The following COL22A1 variants were observed in gnomAD, a reference collection of about 807,000 sequenced individuals.
The protein encoded by COL22A1 is collagen type XXII alpha 1 chain.
In COL22A1, 221 loss-of-function variants were observed where a neutral mutation model predicts 248.9. That is an observed-to-expected ratio of 0.89 (90% CI 0.80 to 0.99). The LOEUF (loss-of-function observed/expected upper bound fraction) is 0.99. Among genes scored for constraint, COL22A1 ranks in the 50% least tolerant of loss-of-function variants. COL22A1 has a pLI of 0.00. For missense variants in COL22A1, 2,240 were observed against 2,179.0 expected (o/e 1.03, Z -0.56); for synonymous variants, 891 against 793.4 (o/e 1.12, Z -2.07).
In COL22A1 at chr8:138,877,830, T is replaced by C; in HGVS notation, c.578A>G (p.Lys193Arg). Residue 193 changes from lysine to arginine, a missense_variant, in exon 3 of 65, where the codon AAG (lysine) becomes AGG (arginine). Transcript: ENST00000303045. Reference protein sequence around the residue: ...EELEEIASEPKSAHVFHVSDF... With the variant: ...EELEEIASEPRSAHVFHVSDF... Reference sequence around the variant, plus strand: ...GGACACGTGGAAGACGTGGGCGGACTTGGGCTCTGAGGCGATCTCCTCCAG... The same window carrying C: ...GGACACGTGGAAGACGTGGGCGGACCTGGGCTCTGAGGCGATCTCCTCCAG... 6.2e-7 allele frequency: 1 copy of C among 1,613,066 alleles called. No homozygotes were observed. Among genetic ancestry groups the C allele is most frequent in the Non-Finnish European group, 8.5e-7 (1 of 1,179,578 alleles).
chr8:138,656,236 C>T (rs750549729), intron 44 of COL22A1, among the ~76,000 whole-genome samples: 2 of 152,196 alleles, frequency 1.3e-5, no homozygotes, highest in African/African-American at 2.4e-5. Context: ...AGCTTTCCCT[C>T]TTCCCCCCGA....
chr8:138,857,840 C>T (rs747000874), intron 3 of COL22A1, among the ~76,000 whole-genome samples: 3 of 152,218 alleles, frequency 2.0e-5, no homozygotes, highest in East Asian at 1.9e-4. Context: ...CACCAGACCG[C>T]GCCAGGACTG....
intron 56 of COL22A1, among the ~76,000 whole-genome samples, chr8:138,612,057 G>C (rs1458937854): frequency 6.6e-6 from 1 of 152,102 alleles, no homozygotes; most frequent in Non-Finnish European, 1.5e-5. Flanking sequence ...ATAAAGCGTT[G>C]GGTACAAAAT....
intron 16 of COL22A1, among the ~76,000 whole-genome samples, chr8:138,771,926 C>T (rs1320954668): frequency 6.6e-6 from 1 of 152,170 alleles, no homozygotes; most frequent in Non-Finnish European, 1.5e-5. Context: ...CCCGCAGCCT[C>T]CAGGAAGCGT....
intron 30 of COL22A1, among the ~76,000 whole-genome samples, chr8:138,704,209 C>T (rs938878330): frequency 2.0e-5 from 3 of 152,184 alleles, no homozygotes; most frequent in Admixed American, 6.5e-5. Flanking sequence ...CAGGGCATAG[C>T]CGAACAAAAG....
chr8:138,605,430 T>A (rs959118206), intron 58 of COL22A1, among the ~76,000 whole-genome samples: 1 of 152,062 alleles, frequency 6.6e-6, no homozygotes, highest in African/African-American at 2.4e-5. Context: ...CAGCAGATTA[T>A]TAACAAGGGG....
chr8:138,801,234 C>A (rs1418529212), intron 11 of COL22A1, among the ~76,000 whole-genome samples: 1 of 152,212 alleles, frequency 6.6e-6, no homozygotes, highest in Non-Finnish European at 1.5e-5. Context: ...TCTGTCTCTG[C>A]CACATCCAGC....
chr8:138,592,051 T>C (rs1817110003), intron 63 of COL22A1, among the ~76,000 whole-genome samples: 1 of 152,194 alleles, frequency 6.6e-6, no homozygotes, highest in South Asian at 2.1e-4. Context: ...TGTGGGCATG[T>C]GCAGTGATAA....
At chr8:138,772,044 T>G (rs955041934) in intron 16 of COL22A1, among the ~76,000 whole-genome samples, 52 of 152,176 alleles carry the variant, frequency 3.4e-4, no homozygotes, top group African/African-American at 1.2e-3. Flanking sequence ...AGCTTCCTGT[T>G]GGCCGTCTCA....
At chr8:138,829,760 A>G (rs891108818) in intron 5 of COL22A1, among the ~76,000 whole-genome samples, 1 of 152,006 alleles carries the variant, frequency 6.6e-6, no homozygotes, top group Non-Finnish European at 1.5e-5. Context: ...TATTTTCTTA[A>G]TGAATCCAAT....
chr8:138,704,083 G>A (rs1031520838), intron 30 of COL22A1, among the ~76,000 whole-genome samples: 2 of 152,306 alleles, frequency 1.3e-5, no homozygotes, highest in South Asian at 2.1e-4. Flanking sequence ...GGGGAGGGGC[G>A]CCCGCCATTG....
At chr8:138,815,480 C>T (rs1818604686) in intron 7 of COL22A1, among the ~76,000 whole-genome samples, 1 of 152,170 alleles carries the variant, frequency 6.6e-6, no homozygotes, top group Non-Finnish European at 1.5e-5. Context: ...GCTCATTGCT[C>T]CCTTTCCTTC....
chr8:138,854,585 C>T (rs958904116), intron 3 of COL22A1, among the ~76,000 whole-genome samples: 2 of 152,138 alleles, frequency 1.3e-5, no homozygotes, highest in Non-Finnish European at 2.9e-5. Context: ...GGCCTCTGCT[C>T]GCTGCTGTGA....
rs1362253302 is a variant in COL22A1 at position 138,662,045 on chromosome 8, G to A, written c.3225C>T (p.Gly1075=). 6.2e-7 allele frequency: 1 copy of A among 1,612,282 alleles called. No individual in the cohort carries two copies. The highest frequency in any genetic ancestry group is 8.5e-7 in the Non-Finnish European group (1 of 1,179,142). The change falls in exon 43 of 65, where the codon GGC becomes GGT. Residue 1075 remains glycine (G), a synonymous_variant. Transcript: ENST00000303045. ...RGLPGFPGPQ[G]PAGRDGAPGN... is the part of the protein sequence containing the mutation. ...CTGTACTTACGTCCCGGCCGGCTGG[G>A]CCCTGGGGGCCAGGGAATCCAGGTA...
chr8:138,768,127 G>C (rs775190832), intron 16 of COL22A1, among the ~76,000 whole-genome samples: 1 of 152,032 alleles, frequency 6.6e-6, no homozygotes, highest in African/African-American at 2.4e-5. Context: ...CCCTCGATCC[G>C]ATCCATTGCC....
intron 56 of COL22A1, among the ~76,000 whole-genome samples, chr8:138,613,436 A>G (rs1439041969): frequency 6.6e-6 from 1 of 152,148 alleles, no homozygotes; most frequent in East Asian, 1.9e-4. Context: ...AGAAGGAACC[A>G]ACCCTGTTGG....
intron 15 of COL22A1, chr8:138,778,042 G>T: frequency 2.2e-6 from 1 of 448,484 alleles, no homozygotes; most frequent in Non-Finnish European, 4.1e-6. Flanking sequence ...TGGGGAAAAT[G>T]AATTCTTTAG....
chr8:138,636,653 C>G (rs1219031966), intron 48 of COL22A1, 89 bp downstream of exon 48: 1 of 931,410 alleles, frequency 1.1e-6, no homozygotes, highest in Non-Finnish European at 1.7e-6. Context: ...AAAGAAGAGA[C>G]AAGGAATGAC....
intron 49 of COL22A1, among the ~76,000 whole-genome samples, chr8:138,631,116 T>C (rs1217945882): frequency 2.0e-5 from 3 of 152,204 alleles, no homozygotes; most frequent in Non-Finnish European, 4.4e-5. Flanking sequence ...TCATCAGAAG[T>C]CAAGAAGATG....
Sources: allele counts gnomAD v4.1 joint callset (sites outside exome capture counted in the v4.1 genomes callset), GRCh38; gene constraint gnomAD v4.1.1; transcripts MANE v1.5; gene names NCBI Gene and HGNC (gene_info 2026-07-23, HGNC 2026-07-21).